Variants in MED19 observed in about 807,000 individuals in gnomAD.
The protein encoded by MED19 is mediator complex subunit 19.
A neutral mutation model predicts 19.9 loss-of-function variants in MED19; 4 were observed. The ratio of observed to expected loss-of-function variants is 0.20; its 90% CI spans 0.10 to 0.46. The LOEUF (loss-of-function observed/expected upper bound fraction) is 0.46. Ranked by LOEUF, MED19 falls within the 20% of genes least tolerant of loss-of-function variation. The pLI is 0.99. For missense variants in MED19, 303 were observed against 318.7 expected, an observed-to-expected ratio of 0.95 and a Z score of 0.38; for synonymous variants, 139 against 119.6, an observed-to-expected ratio of 1.16 and a Z score of -1.06.
chr11:57,704,417 C>G (rs751519392), intron 3 of MED19, 21 bp from the exon 4 acceptor site: 54 of 1,534,494 alleles, frequency 3.5e-5, no homozygotes, highest in Non-Finnish European at 1.7e-5. Context: ...CATTAGGTAC[C>G]TATCACCTGT....
intron 3 of MED19, 43 bp downstream of exon 3, chr11:57,704,669 GTTTTTTT>G (rs34198151): frequency 1.5e-4 from 187 of 1,287,278 alleles, no homozygotes; most frequent in Middle Eastern, 2.6e-4. Context: ...AGAAGGTCAG[GTTTTTTT>G]TTTTTTTTTT....
chr11:57,706,393 C>T (rs1421840279), intron 1 of MED19, among the ~76,000 whole-genome samples: 5 of 152,146 alleles, frequency 3.3e-5, no homozygotes, highest in Admixed American at 3.3e-4. Flanking sequence ...ATCCGCCACC[C>T]CCCGCCGCCT....
Position 57,712,165 on chromosome 11 carries a change from C to T in MED19, c.15G>A (p.Thr5=), listed in dbSNP as rs752943741. The change falls in exon 1 of 5, where the codon ACG becomes ACA. Residue 5 remains threonine, a synonymous_variant. Coordinates refer to ENST00000431606, the Ensembl canonical transcript of MED19. ...GGTCAGCCTGAGCCCCAAACAGTGCCGTGAAATTCTCCATCGTACCCTCCG... is the reference window on the plus strand; with the variant it reads ...GGTCAGCCTGAGCCCCAAACAGTGCTGTGAAATTCTCCATCGTACCCTCCG... 8 of 1,527,180 alleles carry T rather than the reference C, an allele frequency of 5.2e-6. No individual in the cohort carries two copies. In the South Asian group the frequency reaches 6.1e-5, roughly 12 times the overall value. 94.6% of individuals were successfully genotyped at this position (1,527,180 alleles called of 1,614,324 possible).
chr11:57,710,159 C>A (rs1946548552), intron 1 of MED19, among the ~76,000 whole-genome samples: 1 of 152,142 alleles, frequency 6.6e-6, no homozygotes, highest in Non-Finnish European at 1.5e-5. Context: ...GCCAGGAGTT[C>A]AAGACCAGCT....
At chr11:57,704,227 G>T (rs1475485774) in intron 4 of MED19, 75 bp downstream of exon 4, 2 of 1,526,452 alleles carry the variant, frequency 1.3e-6, no homozygotes, top group Admixed American at 2.0e-5. Flanking sequence ...TTGAGGCAAA[G>T]AACTCTAGGG....
Position 57,704,874 on chromosome 11 carries a change from T to C in MED19, c.475-59A>G. 3.7e-6 allele frequency: 6 copies of C among 1,609,294 alleles called. No individual in the cohort carries two copies. The South Asian group carries it at 5.5e-5, about 15-fold the overall frequency. ...AGGGAGGAAATCTCTCCTGCTCTTA[T>C]CATCCATTCTGCTCCATTATGAAGG... On this transcript the variant is annotated intron_variant, in intron 2 of 4. Transcript: ENST00000431606.
intron 1 of MED19, among the ~76,000 whole-genome samples, chr11:57,710,811 TTAGCCTCCTGAG>T (rs1258661608): frequency 6.6e-6 from 1 of 152,074 alleles, no homozygotes; most frequent in East Asian, 1.9e-4. Flanking sequence ...TTCTCCTCCC[TTAGCCTCCTGAG>T]TAGCTGGGGC....
At chr11:57,706,736 A>C (rs549881488) in intron 1 of MED19, among the ~76,000 whole-genome samples, 198 of 152,192 alleles carry the variant, frequency 1.3e-3, no homozygotes, top group East Asian at 3.9e-3. Flanking sequence ...CTGTCTCAAA[A>C]AAAACAAAAC....
intron 1 of MED19, among the ~76,000 whole-genome samples, chr11:57,710,991 A>C (rs1946577267): frequency 6.6e-6 from 1 of 151,916 alleles, no homozygotes; most frequent in Admixed American, 6.6e-5. Flanking sequence ...GCGCCTGGCC[A>C]CCTTCAATTT....
chr11:57,704,118 A>G lies in MED19; in HGVS notation c.667-12T>C. On this transcript the variant is annotated splice_polypyrimidine_tract_variant and intron_variant, in intron 4 of 4. Transcript: ENST00000431606. Reference sequence around the variant, plus strand: ...GGACTATGTCGATTCTGGGGGAGAAAGAAGCAGGGTAAGAACAACTAGGAA... The same window carrying G: ...GGACTATGTCGATTCTGGGGGAGAAGGAAGCAGGGTAAGAACAACTAGGAA... 1 of 1,536,132 alleles carries G rather than the reference A, an allele frequency of 6.5e-7. No individual in the cohort carries two copies. Among genetic ancestry groups the G allele is most frequent in the Non-Finnish European group, 8.7e-7 (1 of 1,146,914 alleles).
At chr11:57,710,541 C>A (rs559580988) in intron 1 of MED19, among the ~76,000 whole-genome samples, 1 of 152,322 alleles carries the variant, frequency 6.6e-6, no homozygotes, top group South Asian at 2.1e-4. Flanking sequence ...AGCTTTTTCT[C>A]ACATCAGGGT....
intron 3 of MED19, 92 bp downstream of exon 3, chr11:57,704,627 T>C (rs1456897768): frequency 6.2e-7 from 1 of 1,600,750 alleles, no homozygotes; most frequent in Admixed American, 1.7e-5. Flanking sequence ...GGAACTTAAC[T>C]GGGTTTACCT....
At chr11:57,704,988 G>T (rs1260906058) in exon 2 of MED19, 5 of 1,613,404 alleles carry the variant, frequency 3.1e-6, no homozygotes, top group Non-Finnish European at 4.2e-6. Flanking sequence ...CAGTGTGGAG[G>T]CGGAAGCCGG....
At chr11:57,711,822 C>CA (rs1354024205) in intron 1 of MED19, 141 bp downstream of exon 1, 2 of 888,460 alleles carry the variant, frequency 2.3e-6, no homozygotes, top group African/African-American at 3.5e-5. Flanking sequence ...TGAATCCTAA[C>CA]AGCGCTTCCG....
chr11:57,712,128 G>A (rs1330048475), exon 1 of MED19: 39 of 1,530,972 alleles, frequency 2.5e-5, no homozygotes, highest in Non-Finnish European at 3.0e-5. Flanking sequence ...AGTGCGGTTG[G>A]GGGCGGTGGT....
At chr11:57,704,878 C>T in intron 2 of MED19, 63 bp from the exon 3 acceptor site, 1 of 1,607,254 alleles carries the variant, frequency 6.2e-7, no homozygotes, top group Non-Finnish European at 8.5e-7. Context: ...CTCTTATCAT[C>T]CATTCTGCTC....
chr11:57,705,489 G>T (rs1647400), intron 1 of MED19, among the ~76,000 whole-genome samples: 3 of 151,936 alleles, frequency 2.0e-5, no homozygotes, highest in African/African-American at 7.3e-5. Context: ...TCCGTCTCTA[G>T]TAAAAATACA....
chr11:57,705,696 T>C (rs1278176269), intron 1 of MED19, among the ~76,000 whole-genome samples: 1 of 146,808 alleles, frequency 6.8e-6, no homozygotes. Flanking sequence ...ATGAAAAGTA[T>C]AATACAACAC....
At chr11:57,704,669 G>GTTTTTTTTTTTTT (rs34198151) in intron 3 of MED19, 50 bp downstream of exon 3, 227 of 1,287,596 alleles carry the variant, frequency 1.8e-4, no homozygotes, top group Admixed American at 4.5e-4. Context: ...AGAAGGTCAG[G>GTTTTTTTTTTTTT]TTTTTTTTTT....
Sources: allele counts gnomAD v4.1 joint callset (sites outside exome capture counted in the v4.1 genomes callset), GRCh38; gene constraint gnomAD v4.1.1; transcripts MANE v1.5; gene names NCBI Gene and HGNC (gene_info 2026-07-23, HGNC 2026-07-21).